Variants in AMZ1 observed in about 807,000 individuals in gnomAD.
The protein encoded by AMZ1 is archaemetzincin-1.
In AMZ1, 39 loss-of-function variants were observed where a neutral mutation model predicts 29.9. That is an observed-to-expected ratio of 1.30 (90% CI 1.01 to 1.70). The LOEUF (loss-of-function observed/expected upper bound fraction) is 1.70, where lower values mean the gene tolerates loss of function less well. Among genes scored for constraint, AMZ1 ranks in the 40% most tolerant of loss-of-function variants. The pLI is 0.00. For missense variants in AMZ1, 1,041 were observed against 680.6 expected (o/e 1.53, Z -5.89); for synonymous variants, 458 against 304.0 (o/e 1.51, Z -5.27).
At chr7:2,721,431 G>A (rs755480355), downstream of AMZ1, among the ~76,000 whole-genome samples, 8 of 152,166 alleles carry the variant, frequency 5.3e-5, no homozygotes, top group Admixed American at 1.3e-4. Context: ...TTTGAAAGCA[G>A]TAGGTGGGCT....
intron 1 of AMZ1, among the ~76,000 whole-genome samples, chr7:2,696,011 GGGAA>G (rs756194662): frequency 8.7e-6 from 1 of 115,006 alleles, no homozygotes; most frequent in Non-Finnish European, 1.9e-5. Context: ...TGTCTTGGGG[GGGAA>G]AAAAAAAAAA....
At chr7:2,691,818 T>C (rs998296882) in intron 1 of AMZ1, among the ~76,000 whole-genome samples, 2 of 148,674 alleles carry the variant, frequency 1.3e-5, no homozygotes, top group African/African-American at 5.0e-5. Context: ...TGGTCCAGGG[T>C]GCCCGCAGGT....
chr7:2,725,025 AAC>A (rs1304719389), intron 4 of AMZ1, among the ~76,000 whole-genome samples: 1 of 152,128 alleles, frequency 6.6e-6, no homozygotes, highest in Admixed American at 6.6e-5. Flanking sequence ...ACCGCACACA[AAC>A]ACTAACTTGC....
At chr7:2,703,793 C>T (rs1029443228) in intron 3 of AMZ1, among the ~76,000 whole-genome samples, 2 of 152,118 alleles carry the variant, frequency 1.3e-5, no homozygotes, top group African/African-American at 4.8e-5. Flanking sequence ...ATCCATCTTA[C>T]TCTCTTCTCT....
At chr7:2,709,046 A>T in intron 4 of AMZ1, 29 bp from the exon 5 acceptor site, 2 of 1,539,698 alleles carry the variant, frequency 1.3e-6, no homozygotes, top group Non-Finnish European at 1.7e-6. Context: ...CTGACCCCTG[A>T]GAGTGCCCTT....
At chr7:2,712,272 T>A (rs1788829338) in intron 6 of AMZ1, 58 bp from the exon 7 acceptor site, 2 of 1,485,680 alleles carry the variant, frequency 1.3e-6, no homozygotes, top group Admixed American at 4.8e-5. Flanking sequence ...TCCTGGCAGT[T>A]CCCTGGCTAG....
chr7:2,753,559 C>A (rs745475036), intron 4 of AMZ1, among the ~76,000 whole-genome samples: 14 of 152,238 alleles, frequency 9.2e-5, no homozygotes, highest in Non-Finnish European at 1.9e-4. Flanking sequence ...ATGGTCTGAA[C>A]GTGCCGCAGT....
intron 6 of AMZ1, 91 bp downstream of exon 6, chr7:2,709,907 C>G (rs144242890): frequency 2.0e-6 from 3 of 1,519,822 alleles, no homozygotes; most frequent in Non-Finnish European, 2.7e-6. Context: ...GCATGGGGAC[C>G]GCACACAGGC....
intron 1 of AMZ1, among the ~76,000 whole-genome samples, chr7:2,696,752 G>A (rs1787771793): frequency 6.6e-6 from 1 of 151,998 alleles, no homozygotes; most frequent in African/African-American, 2.4e-5. Flanking sequence ...TGGGCATGGT[G>A]GTGGGTGCCT....
At chr7:2,727,327 G>A (rs1789664341) in intron 4 of AMZ1, among the ~76,000 whole-genome samples, 1 of 152,096 alleles carries the variant, frequency 6.6e-6, no homozygotes, top group Non-Finnish European at 1.5e-5. Context: ...TGATCCGCTC[G>A]CCTCGGACTC....
upstream of AMZ1, among the ~76,000 whole-genome samples, chr7:2,684,675 T>C (rs1297782363): frequency 6.6e-6 from 1 of 152,054 alleles, no homozygotes; most frequent in African/African-American, 2.4e-5. Context: ...GGACAGGGCG[T>C]TGGCTGAGTG....
At chr7:2,741,758 G>C (rs1165189053) in intron 4 of AMZ1, among the ~76,000 whole-genome samples, 1 of 151,690 alleles carries the variant, frequency 6.6e-6, no homozygotes. Context: ...CAACTTCAGA[G>C]GGTATGTCCT....
intron 3 of AMZ1, among the ~76,000 whole-genome samples, chr7:2,707,890 G>A (rs948317291): frequency 7.0e-6 from 1 of 142,706 alleles, no homozygotes; most frequent in African/African-American, 2.6e-5. Context: ...GTGGCGTGAT[G>A]TCAGCTCATT....
At chr7:2,711,308 G>C (rs1476377228) in intron 6 of AMZ1, among the ~76,000 whole-genome samples, 8 of 152,172 alleles carry the variant, frequency 5.3e-5, no homozygotes, top group Non-Finnish European at 1.2e-4. Context: ...GCCAGAAAAG[G>C]TCACTGCTGT....
upstream of AMZ1, chr7:2,762,101 A>C (rs79163087): frequency 0.012 from 1,792 of 152,796 alleles, 41 homozygotes; most frequent in African/African-American, 0.041. Context: ...AAAAAAGCGA[A>C]AGCGGCAGAG....
chr7:2,682,672 A>ACCCCTGCTTGGGCCATACACGGCT, intron 1 of AMZ1, among the ~76,000 whole-genome samples: 1 of 151,248 alleles, frequency 6.6e-6, no homozygotes, highest in Non-Finnish European at 1.5e-5. Flanking sequence ...GGCCATGGAA[A>ACCCCTGCTTGGGCCATACACGGCT]CCCCTGCTTG....
chr7:2,685,866 A>G (rs1787061040), upstream of AMZ1, among the ~76,000 whole-genome samples: 2 of 151,930 alleles, frequency 1.3e-5, no homozygotes, highest in Admixed American at 1.3e-4. Flanking sequence ...AAAAAAAAAA[A>G]AAAAAAAAAA....
chr7:2,704,586 C>T (rs1367069473), intron 3 of AMZ1, among the ~76,000 whole-genome samples: 6 of 127,428 alleles, frequency 4.7e-5, no homozygotes, highest in African/African-American at 7.7e-5. Context: ...AGCAGTGTCA[C>T]GCTTTTTTTT....
intron 4 of AMZ1, among the ~76,000 whole-genome samples, chr7:2,726,590 T>A (rs1044003581): frequency 6.6e-6 from 1 of 152,224 alleles, no homozygotes; most frequent in Non-Finnish European, 1.5e-5. Flanking sequence ...CGGAGCACAC[T>A]GTGTGCTCAG....
Sources: gnomAD v4.1 joint callset for allele counts (sites outside exome capture counted in the v4.1 genomes callset) on GRCh38, gnomAD v4.1.1 for gene constraint, MANE v1.5 for transcripts, NCBI Gene and HGNC (gene_info 2026-07-23, HGNC 2026-07-21) for gene names.